The following TLR3 variants were observed in gnomAD, a reference collection of about 807,000 sequenced individuals.
TLR3 encodes the protein toll-like receptor 3.
In TLR3, 43 loss-of-function variants were observed where a neutral mutation model predicts 66.4. The ratio of observed to expected loss-of-function variants is 0.65; its 90% CI spans 0.51 to 0.83. The LOEUF (loss-of-function observed/expected upper bound fraction) is 0.83. TLR3 is among the 40% of genes least tolerant of loss of function. The probability of loss-of-function intolerance (pLI) is 0.00; values close to 1 mark genes in which losing one functional copy is unlikely to be tolerated. For synonymous variants in TLR3, 397 were observed against 397.2 expected, an observed-to-expected ratio of 1.00 and a Z score of 0.01; for missense variants, 982 against 1,044.6, an observed-to-expected ratio of 0.94 and a Z score of 0.83.
rs762679468 is a variant in TLR3 at position 186,082,933 on chromosome 4, AG to A, written c.1248del (p.Asn417IlefsTer6). 2 of 1,614,208 alleles carry A rather than the reference AG, an allele frequency of 1.2e-6. No individual in the cohort carries two copies. The highest frequency in any genetic ancestry group is 1.7e-6 in the Non-Finnish European group (2 of 1,180,040). On this transcript the variant is annotated frameshift_variant, in exon 4 of 5. Transcript: ENST00000296795. LOFTEE classifies it high-confidence loss of function. ...CCCTTACACATACTCAACCTAACCAAGAATAAAATCTCAAAAATAGAGAGTG... is the reference window on the plus strand; with the variant it reads ...CCCTTACACATACTCAACCTAACCAAAATAAAATCTCAAAAATAGAGAGTG... ...HSPLHILNLTKNKISKIESDA... is the reference protein window; with the variant it reads ...HSPLHILNLTXNKISKIESDA...
rs763540090 is a variant in TLR3 at position 186,083,223 on chromosome 4, C to T, written c.1537C>T (p.Leu513=). 8 of 1,614,174 alleles carry T rather than the reference C, an allele frequency of 5.0e-6. No homozygotes were observed. In the South Asian group the frequency reaches 5.5e-5, roughly 11 times the overall value. ...TCTTCGTAACTTGACCATTCTGGAT[C>T]TAAGCAACAACAACATAGCCAACAT... ...QPLRNLTILD[L]SNNNIANIND... is the part of the protein sequence containing the mutation. Residue 513 remains leucine, a synonymous_variant, in exon 4 of 5, where the codon CTA becomes TTA. Transcript: ENST00000296795. The surrounding 1 kb of genome is among the most constrained non-coding windows in gnomAD (Gnocchi z 4.0).
In TLR3 at chr4:186,087,115, C is replaced by G. The variant is rs2099304484; in HGVS notation, c.*2242C>G. On this transcript the variant is annotated 3_prime_UTR_variant, in exon 5 of 5. Transcript: ENST00000296795. ...GCTGAGGTAGAGTTACAGTGATTTA[C>G]TTGGTGGTAGAATGTTGGGATTTTT... The G allele has an allele frequency of 1.3e-5, 2 of 152,134 alleles. No homozygotes were observed. The highest frequency in any genetic ancestry group is 2.4e-5 in the African/African-American group (1 of 41,432). 9.4% of individuals were successfully genotyped at this position (152,134 alleles called of 1,614,324 possible). A position where few individuals can be genotyped will look rare whatever the true frequency, so the allele number is the denominator to read the frequency against.
chr4:186,082,308 T>C lies in TLR3; in HGVS notation c.634-12T>C, dbSNP rs201220630. 3.1e-6 allele frequency: 5 copies of C among 1,613,122 alleles called. No individual in the cohort carries two copies. The African/African-American group carries it at 4.0e-5, about 13-fold the overall frequency. On this transcript the variant is annotated splice_polypyrimidine_tract_variant and intron_variant, in intron 3 of 4. Transcript: ENST00000296795. ...TTTTGATTGTTAACCTCTTTTTTTT[T>C]CCTACCTTTAGTTTTCTCCAGGGTG... is the stretch of plus-strand genomic sequence containing the variant.
intron 1 of TLR3, 39 bp downstream of exon 1, chr4:186,069,287 G>A (rs922437267): frequency 2.0e-5 from 3 of 152,124 alleles, no homozygotes; most frequent in Non-Finnish European, 4.4e-5. Flanking sequence ...TACTGGGCAG[G>A]GTCTCTCTTG....
Position 186,085,268 on chromosome 4 carries a change from A to G in TLR3, c.*395A>G. 5.3e-6 allele frequency: 1 copy of G among 187,770 alleles called. No homozygotes were observed. The highest frequency in any genetic ancestry group is 1.1e-5 in the Non-Finnish European group (1 of 89,818). The allele number at this position is 187,770 out of a possible 1,614,324, so 11.6% of individuals were successfully genotyped here. The stretch of plus-strand genomic sequence containing the variant: ...AAAGATAATTGTTTCAATGGGTATA[A>G]TGCTATTTCCTTTGTAAAAGAGTAA... On this transcript the variant is annotated 3_prime_UTR_variant, in exon 5 of 5. Coordinates refer to ENST00000296795, the MANE Select transcript of TLR3 (RefSeq NM_003265.3).
chr4:186,071,327 T>C (rs1029529404), intron 1 of TLR3, among the ~76,000 whole-genome samples: 7 of 152,230 alleles, frequency 4.6e-5, no homozygotes, highest in Non-Finnish European at 7.3e-5. Flanking sequence ...AATTCTGACC[T>C]ATAGCAGGAG....
chr4:186,078,741 T>A, intron 2 of TLR3, 99 bp from the exon 3 acceptor site: 1 of 946,382 alleles, frequency 1.1e-6, no homozygotes, highest in Non-Finnish European at 1.7e-6. Context: ...AGAGAGGTGT[T>A]GATTTTGCTG....
At chr4:186,070,669 T>G (rs2099301288) in intron 1 of TLR3, among the ~76,000 whole-genome samples, 1 of 152,098 alleles carries the variant, frequency 6.6e-6, no homozygotes, top group Non-Finnish European at 1.5e-5. Context: ...ATTACAGGCA[T>G]GAGCCACAGG....
rs1028564700 is a variant in TLR3, at chr4:186,085,739, G to A, written c.*866G>A. On this transcript the variant is annotated 3_prime_UTR_variant, in exon 5 of 5. Transcript: ENST00000296795. ...CATCTTAGATATTCCTATGTAATTA[G>A]TGATGATGATCGCTGTATAATATAT... 3 of 152,188 alleles carry A rather than the reference G, an allele frequency of 2.0e-5. No homozygotes were observed. Among genetic ancestry groups the A allele is most frequent in the East Asian group, 3.8e-4 (2 of 5,206 alleles). 9.4% of individuals were successfully genotyped at this position (152,188 alleles called of 1,614,324 possible).
intron 1 of TLR3, among the ~76,000 whole-genome samples, chr4:186,072,258 G>A (rs778513875): frequency 1.6e-4 from 25 of 152,192 alleles, no homozygotes; most frequent in Non-Finnish European, 3.5e-4. Flanking sequence ...TCACATAGCC[G>A]GAGCAGGAAG....
rs184426724 is a variant in TLR3, at chr4:186,083,460, G to A, written c.1774G>A (p.Asp592Asn). 32 of 1,609,404 alleles carry A rather than the reference G, an allele frequency of 2.0e-5. No homozygotes were observed. The Admixed American group carries it at 2.2e-4, about 11-fold the overall frequency. ...FKDLFELKII[D>N]LGLNNLNTLP... ...GGATTTATTTGAACTAAAGATCATC[G>A]ATTTAGGATTGAATAATTTAAACAC... is the stretch of plus-strand genomic sequence containing the variant. The change falls in exon 4 of 5, where the codon GAT becomes AAT. Residue 592 changes from aspartate to asparagine, a missense_variant. This residue lies in a region of TLR3 where 666 missense variants were observed against 709.0 expected (regional missense o/e 0.94). Transcript: ENST00000296795. The surrounding 1 kb of genome is among the most constrained non-coding windows in gnomAD (Gnocchi z 4.0).
Position 186,082,920 on chromosome 4 carries a change from C to G in TLR3, c.1234C>G (p.Leu412Val), listed in dbSNP as rs3775291. The stretch of plus-strand genomic sequence containing the variant: ...ACTTGCTCATTCTCCCTTACACATA[C>G]TCAACCTAACCAAGAATAAAATCTC... ...VSLAHSPLHI[L>V]NLTKNKISKI... The change falls in exon 4 of 5, where the codon CTC becomes GTC. Residue 412 changes from leucine (L) to valine (V), a missense_variant. Physicochemically the swap from Leu to Val is conservative, Grantham distance 32. Around this residue, in one of 3 missense-constraint regions of TLR3, gnomAD observed 666 missense variants for 709.0 expected, o/e 0.94. Coordinates refer to ENST00000296795, the MANE Select transcript of TLR3 (RefSeq NM_003265.3). 486 of 1,613,818 alleles carry G rather than the reference C, an allele frequency of 3.0e-4. 1 individual carries two copies. The highest frequency in any genetic ancestry group is 3.9e-4 in the Non-Finnish European group (464 of 1,179,952).
intron 1 of TLR3, among the ~76,000 whole-genome samples, chr4:186,070,416 G>C (rs936245134): frequency 1.3e-5 from 2 of 151,624 alleles, no homozygotes; most frequent in Non-Finnish European, 2.9e-5. Context: ...ACAAGGTCTC[G>C]CTGTGTTGCC....
At chr4:186,076,501 A>G in intron 1 of TLR3, 112 bp from the exon 2 acceptor site, 1 of 1,014,936 alleles carries the variant, frequency 9.9e-7, no homozygotes, top group Non-Finnish European at 1.5e-6. Flanking sequence ...ATGAGTAATA[A>G]CATCATACAT....
Position 186,076,825 on chromosome 4 carries a change from C to T in TLR3, c.206C>T (p.Ala69Val). 1 of 1,614,120 alleles carries T rather than the reference C, an allele frequency of 6.2e-7. No homozygotes were observed. ...AATCAACTCAGAAGATTACCAGCCG[C>T]CAACTTCACAAGGTATAGCCAGCTA... Reference protein sequence around the residue: ...THNQLRRLPAANFTRYSQLTS... With the variant: ...THNQLRRLPAVNFTRYSQLTS... Residue 69 changes from alanine to valine, a missense_variant, in exon 2 of 5, where the codon GCC (alanine) becomes GTC (valine). Coordinates refer to ENST00000296795, the MANE Select transcript of TLR3 (RefSeq NM_003265.3).
intron 1 of TLR3, among the ~76,000 whole-genome samples, chr4:186,076,087 A>G (rs6552951): frequency 0.97 from 148,424 of 152,252 alleles, 72,479 homozygotes; most frequent in Non-Finnish European, 1. Context: ...CCAGAAGGTG[A>G]AGGTTGCAGT....
rs1561372214 is a variant in TLR3 at position 186,082,939 on chromosome 4, A to C, written c.1253A>C (p.Lys418Thr). 6.2e-7 allele frequency: 1 copy of C among 1,614,202 alleles called. No individual in the cohort carries two copies. Among genetic ancestry groups the C allele is most frequent in the East Asian group, 2.2e-5 (1 of 44,880 alleles). ...CACATACTCAACCTAACCAAGAATA[A>C]AATCTCAAAAATAGAGAGTGATGCT... ...PLHILNLTKNKISKIESDAFS... is the reference protein window; with the variant it reads ...PLHILNLTKNTISKIESDAFS... The change falls in exon 4 of 5, where the codon AAA becomes ACA. Residue 418 changes from lysine to threonine, a missense_variant. Physicochemically the swap from Lys to Thr is moderately conservative, Grantham distance 78 (BLOSUM62 -1). Around this residue, in one of 3 missense-constraint regions of TLR3, gnomAD observed 666 missense variants for 709.0 expected, o/e 0.94. Transcript: ENST00000296795.
rs2099302550 is a variant in TLR3 at position 186,076,959 on chromosome 4, CT to C, written c.343del (p.Ser115LeufsTer11). 6.2e-7 allele frequency: 1 copy of C among 1,614,182 alleles called. No individual in the cohort carries two copies. Among genetic ancestry groups the C allele is most frequent in the Non-Finnish European group, 8.5e-7 (1 of 1,180,038 alleles). ...LNLQHNELSQ[L>X]SDKTFAFCTN... Reference sequence around the variant, plus strand: ...CCTCCAGCACAATGAGCTATCTCAACTTTCTGATAAAACCTTTGCCTTCTGC... The same window carrying C: ...CCTCCAGCACAATGAGCTATCTCAACTTCTGATAAAACCTTTGCCTTCTGC... On this transcript the variant is annotated frameshift_variant, in exon 2 of 5. Transcript: ENST00000296795. LOFTEE classifies it high-confidence loss of function.
chr4:186,077,792 G>A (rs1038087677), intron 2 of TLR3, among the ~76,000 whole-genome samples: 10 of 150,578 alleles, frequency 6.6e-5, no homozygotes, highest in Non-Finnish European at 1.0e-4. Flanking sequence ...ACAATAAATC[G>A]TAGTTAACCA....
Sources: gnomAD v4.1 joint callset for allele counts (sites outside exome capture counted in the v4.1 genomes callset) on GRCh38, gnomAD v4.1.1 for gene constraint, gnomAD v4.1.1 regional missense constraint, Gnocchi (gnomAD v3.1) non-coding constraint, MANE v1.5 for transcripts, NCBI Gene and HGNC (gene_info 2026-07-23, HGNC 2026-07-21) for gene names.